ZFPM2: variants seen among roughly 807,000 people sequenced by gnomAD.
ZFPM2 encodes the protein zinc finger protein ZFPM2.
ZFPM2 carries 20 observed loss-of-function variants against 98.6 expected under a neutral mutation model. The ratio of observed to expected loss-of-function variants is 0.20; its 90% CI spans 0.14 to 0.29. The LOEUF (loss-of-function observed/expected upper bound fraction) is 0.29, where lower values mean the gene tolerates loss of function less well. Among genes scored for constraint, ZFPM2 ranks in the 10% least tolerant of loss-of-function variants. ZFPM2 has a pLI of 1.00. For missense variants in ZFPM2, 1,310 were observed against 1,388.6 expected (o/e 0.94, Z 0.90); for synonymous variants, 518 against 502.7 (o/e 1.03, Z -0.41).
chr8:105,565,439 T>A (rs566227892), intron 4 of ZFPM2, among the ~76,000 whole-genome samples: 1 of 152,256 alleles, frequency 6.6e-6, no homozygotes, highest in South Asian at 2.1e-4. Context: ...CTGGTCAAAG[T>A]GCTTTACATG....
rs10532108 is a variant in ZFPM2, at chr8:105,521,132, TACAC to T, written c.302-40213_302-40210del. On this transcript the variant is annotated intron_variant, in intron 3 of 7. Coordinates refer to ENST00000407775, the MANE Select transcript of ZFPM2 (RefSeq NM_012082.4). ...ATTTGTGTATGTGTGTATATATATA[TACAC>T]ACACACACACACACACAAACACACA... 1.7e-3 allele frequency among the ~76,000 whole-genome samples: 250 copies of T among 148,588 alleles called. 2 individuals carry two copies. Among genetic ancestry groups the T allele is most frequent in the African/African-American group, 4.5e-3 (181 of 40,380 alleles).
chr8:105,695,930 G>A (rs1211987227), intron 5 of ZFPM2, among the ~76,000 whole-genome samples: 2 of 152,156 alleles, frequency 1.3e-5, no homozygotes, highest in East Asian at 3.8e-4. Flanking sequence ...ACCTCAAAAT[G>A]TGATTTTCTT....
intron 1 of ZFPM2, among the ~76,000 whole-genome samples, chr8:105,370,967 G>T (rs1312606866): frequency 6.6e-6 from 1 of 152,200 alleles, no homozygotes; most frequent in Non-Finnish European, 1.5e-5. Context: ...TGAAGATGCT[G>T]TAATTCGTTG....
At chr8:105,497,717 T>C (rs1164641699) in intron 3 of ZFPM2, among the ~76,000 whole-genome samples, 1 of 152,124 alleles carries the variant, frequency 6.6e-6, no homozygotes, top group Non-Finnish European at 1.5e-5. Flanking sequence ...ACGGATAAGA[T>C]TATAAAGGCA....
At chr8:105,418,450 A>T in intron 1 of ZFPM2, 2 of 451,322 alleles carry the variant, frequency 4.4e-6, no homozygotes, top group Admixed American at 5.5e-5. Flanking sequence ...AATGTAGCGC[A>T]CCTCACTCTC....
chr8:105,750,495 A>G (rs1004863742), intron 5 of ZFPM2, among the ~76,000 whole-genome samples: 4 of 152,044 alleles, frequency 2.6e-5, no homozygotes, highest in Non-Finnish European at 4.4e-5. Flanking sequence ...AAGGAAAATG[A>G]AATTAGATTA....
intron 3 of ZFPM2, among the ~76,000 whole-genome samples, chr8:105,500,809 T>C (rs1431195757): frequency 6.6e-6 from 1 of 152,168 alleles, no homozygotes; most frequent in Non-Finnish European, 1.5e-5. Flanking sequence ...AAAATAGTCC[T>C]TGAAATTCCA....
chr8:105,788,963 A>G lies in ZFPM2; in HGVS notation c.739+39A>G, dbSNP rs971605024. ...GCTGTGTAGCCCAGCTTTAGAGGTGATGGGAATTTATGGGAGAAAAAAATG... is the reference window on the plus strand; with the variant it reads ...GCTGTGTAGCCCAGCTTTAGAGGTGGTGGGAATTTATGGGAGAAAAAAATG... On this transcript the variant is annotated intron_variant, in intron 6 of 7. Coordinates refer to ENST00000407775, the MANE Select transcript of ZFPM2 (RefSeq NM_012082.4). The G allele has an allele frequency of 2.7e-6, 4 of 1,467,950 alleles. No individual in the cohort carries two copies. The African/African-American group carries it at 5.5e-5, about 20-fold the overall frequency. The allele number at this position is 1,467,950 out of a possible 1,614,324, so 90.9% of individuals were successfully genotyped here. A position where few individuals can be genotyped will look rare whatever the true frequency, so the allele number is the denominator to read the frequency against.
chr8:105,325,467 A>T (rs72671653), intron 1 of ZFPM2, among the ~76,000 whole-genome samples: 2 of 151,770 alleles, frequency 1.3e-5, no homozygotes, highest in Admixed American at 6.6e-5. Flanking sequence ...GATCAATATT[A>T]GTATTAATTA....
intron 5 of ZFPM2, among the ~76,000 whole-genome samples, chr8:105,775,486 C>A (rs1451451015): frequency 1.3e-5 from 2 of 152,116 alleles, no homozygotes; most frequent in African/African-American, 4.8e-5. Flanking sequence ...CTCCTGATTG[C>A]TGATGAAGAA....
At chr8:105,660,051 G>C (rs981494229) in intron 5 of ZFPM2, among the ~76,000 whole-genome samples, 1 of 152,072 alleles carries the variant, frequency 6.6e-6, no homozygotes, top group Non-Finnish European at 1.5e-5. Flanking sequence ...AACTATTTAG[G>C]TTGCTCTTTA....
chr8:105,800,825 G>A (rs531746610), intron 7 of ZFPM2, among the ~76,000 whole-genome samples: 1 of 152,214 alleles, frequency 6.6e-6, no homozygotes, highest in South Asian at 2.1e-4. Context: ...ATTCCACTTT[G>A]ATGCCATAAT....
At chr8:105,728,220 C>T (rs749348776) in intron 5 of ZFPM2, among the ~76,000 whole-genome samples, 14 of 151,400 alleles carry the variant, frequency 9.2e-5, no homozygotes, top group Non-Finnish European at 1.5e-4. Flanking sequence ...AATATAGACC[C>T]TATGATGGAA....
intron 1 of ZFPM2, among the ~76,000 whole-genome samples, chr8:105,389,568 T>C (rs1811069297): frequency 6.6e-6 from 1 of 152,228 alleles, no homozygotes; most frequent in Non-Finnish European, 1.5e-5. Context: ...ATTCTCATAT[T>C]ACAATGAAGA....
chr8:105,483,758 T>C (rs973082094), intron 3 of ZFPM2, among the ~76,000 whole-genome samples: 12 of 151,514 alleles, frequency 7.9e-5, no homozygotes, highest in African/African-American at 2.9e-4. Flanking sequence ...CTTTTCTTTT[T>C]TTTTTTTTGA....
chr8:105,541,040 G>A lies in ZFPM2; in HGVS notation c.302-20323G>A, dbSNP rs548447503. Among the ~76,000 whole-genome samples the A allele has an allele frequency of 9.2e-5, 14 of 152,082 alleles. No homozygotes were observed. The South Asian group carries it at 2.7e-3, about 29-fold the overall frequency. On this transcript the variant is annotated intron_variant, in intron 3 of 7. Transcript: ENST00000407775. ...TGTTGCAGACTGACCTGTAAGATTC[G>A]AATTTTTCTTTTCCGTAGTTAAAGC...
At chr8:105,418,562 C>A (rs748402073) in intron 1 of ZFPM2, 1 of 515,704 alleles carries the variant, frequency 1.9e-6, no homozygotes, top group Non-Finnish European at 3.9e-6. Context: ...AGAAAAAATT[C>A]AATTAATTAT....
At chr8:105,761,618 C>T (rs1238287867) in intron 5 of ZFPM2, among the ~76,000 whole-genome samples, 5 of 151,838 alleles carry the variant, frequency 3.3e-5, no homozygotes, top group Admixed American at 2.6e-4. Flanking sequence ...TTTTGTCCTT[C>T]TAACGTCTCT....
intron 5 of ZFPM2, among the ~76,000 whole-genome samples, chr8:105,734,852 C>T (rs1449346962): frequency 1.3e-5 from 2 of 149,576 alleles, no homozygotes; most frequent in Non-Finnish European, 2.9e-5. Flanking sequence ...AAAACTAGGT[C>T]TTAGAATGCC....
Sources: allele counts gnomAD v4.1 joint callset (sites outside exome capture counted in the v4.1 genomes callset), GRCh38; gene constraint gnomAD v4.1.1; transcripts MANE v1.5; gene names NCBI Gene and HGNC (gene_info 2026-07-23, HGNC 2026-07-21).